The following ATP9B variants were observed in gnomAD, a reference collection of about 807,000 sequenced individuals.
The protein encoded by ATP9B is ATPase phospholipid transporting 9B.
Under a neutral mutation model 146.1 loss-of-function variants are expected in ATP9B, and 110 were observed. That is an observed-to-expected ratio of 0.75 (90% CI 0.65 to 0.88). The LOEUF is 0.88. Among genes scored for constraint, ATP9B ranks in the 40% least tolerant of loss-of-function variants. The probability of loss-of-function intolerance (pLI) is 0.00; values close to 1 mark genes in which losing one functional copy is unlikely to be tolerated. For missense variants in ATP9B, 1,499 were observed against 1,496.4 expected, an observed-to-expected ratio of 1.00 and a Z score of -0.03; for synonymous variants, 604 against 569.7, an observed-to-expected ratio of 1.06 and a Z score of -0.86.
At chr18:79,301,201 G>A (rs1245854259) in intron 13 of ATP9B, among the ~76,000 whole-genome samples, 1 of 152,116 alleles carries the variant, frequency 6.6e-6, no homozygotes, top group Non-Finnish European at 1.5e-5. Context: ...GCTATTTAAA[G>A]CACTCATAGG....
chr18:79,132,065 C>G (rs2094385919), intron 5 of ATP9B, among the ~76,000 whole-genome samples: 1 of 152,230 alleles, frequency 6.6e-6, no homozygotes, highest in Admixed American at 6.5e-5. Context: ...TGAATACAGT[C>G]AATGCCACTG....
intron 2 of ATP9B, among the ~76,000 whole-genome samples, chr18:79,104,880 A>T (rs2075550266): frequency 6.6e-6 from 1 of 152,088 alleles, no homozygotes; most frequent in African/African-American, 2.4e-5. Flanking sequence ...AGTAGCTGGG[A>T]CTACAGTCAT....
chr18:79,186,016 G>C (rs1328565388), intron 8 of ATP9B, among the ~76,000 whole-genome samples: 1 of 152,040 alleles, frequency 6.6e-6, no homozygotes, highest in East Asian at 1.9e-4. Flanking sequence ...GCAGTTTCTT[G>C]TGGCTTCATA....
chr18:79,347,882 G>A lies in ATP9B; in HGVS notation c.2795G>A (p.Gly932Asp). Residue 932 changes from glycine (G) to aspartate (D), a missense_variant, in exon 24 of 30, where the codon GGC becomes GAC. Physicochemically the swap from Gly to Asp is moderately conservative, Grantham distance 94. Transcript: ENST00000426216. ...AGCTACAAGAGGTCGGCGGCACTCG[G>A]CCAGTTCGTCATGCACAGGGGCCTT... ...RNSYKRSAALGQFVMHRGLII... is the reference protein window; with the variant it reads ...RNSYKRSAALDQFVMHRGLII... 6.2e-7 allele frequency: 1 copy of A among 1,613,716 alleles called. No homozygotes were observed. Among genetic ancestry groups the A allele is most frequent in the Non-Finnish European group, 8.5e-7 (1 of 1,179,880 alleles).
At chr18:79,303,098 G>T (rs1383776460) in intron 13 of ATP9B, among the ~76,000 whole-genome samples, 2 of 152,184 alleles carry the variant, frequency 1.3e-5, no homozygotes, top group African/African-American at 4.8e-5. Context: ...TAGAGGCTGC[G>T]TGTGCAGTGG....
At chr18:79,253,766 T>C in intron 12 of ATP9B, 1 of 422,702 alleles carries the variant, frequency 2.4e-6, no homozygotes, top group South Asian at 5.6e-5. Flanking sequence ...TGATAGTGAA[T>C]GTGTTGATGG....
intron 8 of ATP9B, among the ~76,000 whole-genome samples, chr18:79,178,897 C>T (rs1219175224): frequency 6.6e-6 from 1 of 152,012 alleles, no homozygotes; most frequent in Non-Finnish European, 1.5e-5. Flanking sequence ...AGTCTTTTTG[C>T]CTCCTGTAAT....
chr18:79,193,316 T>C (rs1032836176), intron 9 of ATP9B, 53 bp downstream of exon 9: 1 of 1,399,816 alleles, frequency 7.1e-7, no homozygotes. Flanking sequence ...AAGTTAAAAG[T>C]AGCAAACCTT....
At chr18:79,106,904 C>T (rs140392099) in intron 2 of ATP9B, among the ~76,000 whole-genome samples, 2 of 152,008 alleles carry the variant, frequency 1.3e-5, no homozygotes, top group African/African-American at 2.4e-5. Flanking sequence ...AGTGGTCTTG[C>T]GTTTATAGTG....
chr18:79,263,217 T>C (rs2096163388), intron 12 of ATP9B, among the ~76,000 whole-genome samples: 1 of 152,246 alleles, frequency 6.6e-6, no homozygotes, highest in South Asian at 2.1e-4. Flanking sequence ...TATATAAATA[T>C]ATGCAGTCAT....
At chr18:79,289,110 G>A (rs1362314250) in intron 13 of ATP9B, among the ~76,000 whole-genome samples, 4 of 151,972 alleles carry the variant, frequency 2.6e-5, no homozygotes, top group East Asian at 1.9e-4. Context: ...TGCTCTTCTC[G>A]AGGAGTATCT....
chr18:79,084,611 C>G (rs1056983065), intron 1 of ATP9B, among the ~76,000 whole-genome samples: 1 of 151,916 alleles, frequency 6.6e-6, no homozygotes, highest in Admixed American at 6.6e-5. Flanking sequence ...GCCTAGATAT[C>G]CACATTGGCG....
intron 5 of ATP9B, among the ~76,000 whole-genome samples, chr18:79,137,820 C>T (rs1478094161): frequency 6.6e-6 from 1 of 152,204 alleles, no homozygotes. Flanking sequence ...CACCTTTGCT[C>T]TCCACCAGCA....
intron 5 of ATP9B, among the ~76,000 whole-genome samples, chr18:79,130,813 AG>A (rs2094366056): frequency 1.3e-5 from 2 of 151,954 alleles, no homozygotes; most frequent in South Asian, 2.1e-4. Flanking sequence ...TGAGAGAGAG[AG>A]AAAAAAAACC....
intron 2 of ATP9B, among the ~76,000 whole-genome samples, chr18:79,108,188 A>G (rs2075778989): frequency 6.6e-6 from 1 of 152,214 alleles, no homozygotes; most frequent in Non-Finnish European, 1.5e-5. Context: ...GCACCACAGC[A>G]GGGATGCTGG....
intron 12 of ATP9B, among the ~76,000 whole-genome samples, chr18:79,265,572 G>A (rs564094284): frequency 6.6e-5 from 10 of 151,918 alleles, no homozygotes; most frequent in South Asian, 2.1e-4. Context: ...TTTAAGTCCC[G>A]TTTAGGTGCT....
At chr18:79,236,351 G>T (rs1226187883) in intron 11 of ATP9B, among the ~76,000 whole-genome samples, 1 of 152,066 alleles carries the variant, frequency 6.6e-6, no homozygotes, top group African/African-American at 2.4e-5. Flanking sequence ...AGTCTTTCTG[G>T]CTGTTGTATA....
Position 79,133,566 on chromosome 18 carries a change from T to C in ATP9B, c.667+7191T>C, listed in dbSNP as rs140606142. ...TCTCAAGTGGGTAGATACACTCAGG[T>C]GTGGCCATATAGATCCAGGAGTGGT... On this transcript the variant is annotated intron_variant, in intron 5 of 29. Coordinates refer to ENST00000426216, the MANE Select transcript of ATP9B (RefSeq NM_198531.5). Among the ~76,000 whole-genome samples the C allele has an allele frequency of 4.8e-3, 734 of 151,878 alleles. 4 individuals carry two copies. Among genetic ancestry groups the C allele is most frequent in the South Asian group, 0.024 (117 of 4,806 alleles).
chr18:79,177,007 G>A (rs1159963355), intron 8 of ATP9B, 100 bp downstream of exon 8: 3 of 983,724 alleles, frequency 3.0e-6, no homozygotes, highest in African/African-American at 3.3e-5. Context: ...TTAATGCATT[G>A]AGAATTTGTT....
Sources: gnomAD v4.1 joint callset for allele counts (sites outside exome capture counted in the v4.1 genomes callset) on GRCh38, gnomAD v4.1.1 for gene constraint, MANE v1.5 for transcripts, NCBI Gene and HGNC (gene_info 2026-07-23, HGNC 2026-07-21) for gene names.